GPRIN3: variants seen among roughly 807,000 people sequenced by gnomAD.
The protein encoded by GPRIN3 is GPRIN family member 3, also known as G protein-regulated inducer of neurite outgrowth 3.
Under a neutral mutation model 13.7 loss-of-function variants are expected in GPRIN3, and 12 were observed. That is an observed-to-expected ratio of 0.87 (90% CI 0.56 to 1.42). The LOEUF (loss-of-function observed/expected upper bound fraction) is 1.42. GPRIN3 is among the 40% of genes most tolerant of loss of function. The pLI, the probability that GPRIN3 is intolerant of heterozygous loss-of-function variation, is 0.00. For missense variants in GPRIN3, 1,009 were observed against 958.7 expected (o/e 1.05, Z -0.69); for synonymous variants, 377 against 372.7 (o/e 1.01, Z -0.13).
chr4:89,301,481 AT>A (rs1002148776), intron 1 of GPRIN3, among the ~76,000 whole-genome samples: 4 of 152,224 alleles, frequency 2.6e-5, no homozygotes, highest in African/African-American at 9.6e-5. Context: ...AAATGCTCTG[AT>A]TACTCAGAAA....
rs1026186729 is a variant in GPRIN3, at chr4:89,239,995, C to G, written c.*7785G>C. ...TATTTTCAATCTGATACCCAACCAA[C>G]GTAATTTTTAGTGTCGAGGATTCAA... On this transcript the variant is annotated 3_prime_UTR_variant, in exon 2 of 2. Coordinates refer to ENST00000609438, the MANE Select transcript of GPRIN3 (RefSeq NM_198281.3). 6.6e-6 allele frequency: 1 copy of G among 152,090 alleles called. No individual in the cohort carries two copies. Among genetic ancestry groups the G allele is most frequent in the African/African-American group, 2.4e-5 (1 of 41,418 alleles). 9.4% of individuals were successfully genotyped at this position (152,090 alleles called of 1,614,324 possible).
chr4:89,267,695 A>C (rs1228379884), intron 1 of GPRIN3, among the ~76,000 whole-genome samples: 3 of 152,212 alleles, frequency 2.0e-5, no homozygotes, highest in African/African-American at 7.2e-5. Context: ...TTCTGAATTT[A>C]GGATCTATTA....
At position 89,243,135 on chromosome 4, in the gene GPRIN3, G is replaced by A; in HGVS notation, c.*4645C>T. 6.6e-6 allele frequency: 1 copy of A among 152,116 alleles called. No homozygotes were observed. Among genetic ancestry groups the A allele is most frequent in the East Asian group, 1.9e-4 (1 of 5,194 alleles). The allele number at this position is 152,116 out of a possible 1,614,324, so 9.4% of individuals were successfully genotyped here. A position where few individuals can be genotyped will look rare whatever the true frequency, so the allele number is the denominator to read the frequency against. ...TCAATCCATCTTCATTTATGTCCTT[G>A]GTCATTGCAAACCCAGCTTATTTGA... On this transcript the variant is annotated 3_prime_UTR_variant, in exon 2 of 2. Coordinates refer to ENST00000609438, the MANE Select transcript of GPRIN3 (RefSeq NM_198281.3).
intron 1 of GPRIN3, among the ~76,000 whole-genome samples, chr4:89,297,029 A>G (rs1201835181): frequency 6.6e-6 from 1 of 152,220 alleles, no homozygotes; most frequent in African/African-American, 2.4e-5. Context: ...CCTGCAGTGT[A>G]GCATAGTGGT....
At chr4:89,256,143 T>C (rs889257540) in intron 1 of GPRIN3, among the ~76,000 whole-genome samples, 2 of 152,152 alleles carry the variant, frequency 1.3e-5, no homozygotes, top group African/African-American at 4.8e-5. Flanking sequence ...GCCTGGACCC[T>C]TCCTATGCTG....
In GPRIN3 at chr4:89,246,125, T is replaced by C. The variant is rs1723090338; in HGVS notation, c.*1655A>G. On this transcript the variant is annotated 3_prime_UTR_variant, in exon 2 of 2. Transcript: ENST00000609438. The stretch of plus-strand genomic sequence containing the variant: ...TTTTTTCCTGCATATGTTCAGAATG[T>C]GCAGAACAGAATTAAAGTGAAAAAA... 2 of 152,328 alleles carry C rather than the reference T, an allele frequency of 1.3e-5. No individual in the cohort carries two copies. Among genetic ancestry groups the C allele is most frequent in the South Asian group, 4.1e-4 (2 of 4,826 alleles). 9.4% of individuals were successfully genotyped at this position (152,328 alleles called of 1,614,324 possible). A position where few individuals can be genotyped will look rare whatever the true frequency, so the allele number is the denominator to read the frequency against.
In GPRIN3 at chr4:89,249,686, T is replaced by G. The variant is rs778010492; in HGVS notation, c.425A>C (p.Gln142Pro). Residue 142 changes from glutamine (Q) to proline (P), a missense_variant, in exon 2 of 2, where the codon CAG becomes CCG. Physicochemically the swap from Gln to Pro is moderately conservative, Grantham distance 76. Coordinates refer to ENST00000609438, the MANE Select transcript of GPRIN3 (RefSeq NM_198281.3). ...QHTCQSIPGDQPNAITSSMPE... is the reference protein window; with the variant it reads ...QHTCQSIPGDPPNAITSSMPE... ...CATGGATGAGGTGATGGCATTGGGC[T>G]GATCACCTGGGATGGACTGGCAGGT... The G allele has an allele frequency of 1.9e-6, 3 of 1,614,016 alleles. No individual in the cohort carries two copies. The highest frequency in any genetic ancestry group is 2.7e-5 in the African/African-American group (2 of 74,936).
intron 1 of GPRIN3, among the ~76,000 whole-genome samples, chr4:89,269,186 G>GT (rs1258386377): frequency 2.0e-5 from 3 of 152,122 alleles, no homozygotes; most frequent in Admixed American, 6.5e-5. Flanking sequence ...TACAAATAAT[G>GT]TTTTTCATAG....
At chr4:89,270,069 T>A (rs891374080) in intron 1 of GPRIN3, among the ~76,000 whole-genome samples, 4 of 152,270 alleles carry the variant, frequency 2.6e-5, no homozygotes, top group African/African-American at 9.6e-5. Flanking sequence ...TTCATTACCA[T>A]GTTAAAGTTA....
intron 1 of GPRIN3, among the ~76,000 whole-genome samples, chr4:89,302,699 G>T (rs1724930753): frequency 6.6e-6 from 1 of 152,100 alleles, no homozygotes; most frequent in Non-Finnish European, 1.5e-5. Flanking sequence ...TTGTAAGAGT[G>T]TATACATTTT....
intron 1 of GPRIN3, among the ~76,000 whole-genome samples, chr4:89,259,521 T>C (rs1723568690): frequency 6.6e-6 from 1 of 152,218 alleles, no homozygotes; most frequent in African/African-American, 2.4e-5. Flanking sequence ...GTTTTTGCAT[T>C]TGCATTTTAA....
At position 89,256,923 on chromosome 4, in the gene GPRIN3, A is replaced by T. The variant is rs192118627; in HGVS notation, c.-123-6690T>A. On this transcript the variant is annotated intron_variant, in intron 1 of 1. Transcript: ENST00000609438. ...GGGAACTTTTGCCTGGATCATTTGC[A>T]TTCTGAACCCAGCAGATTCTGCCAG... 1.6e-3 allele frequency among the ~76,000 whole-genome samples: 239 copies of T among 152,330 alleles called. 1 individual carries two copies. The highest frequency in any genetic ancestry group is 5.5e-3 in the African/African-American group (230 of 41,578).
At chr4:89,270,761 A>G (rs1020742072) in intron 1 of GPRIN3, among the ~76,000 whole-genome samples, 3 of 151,662 alleles carry the variant, frequency 2.0e-5, no homozygotes, top group Non-Finnish European at 4.4e-5. Flanking sequence ...CTGGTTTGCT[A>G]TAAATTTCAT....
At chr4:89,306,993 GC>G (rs988850467) in intron 1 of GPRIN3, among the ~76,000 whole-genome samples, 10 of 151,880 alleles carry the variant, frequency 6.6e-5, no homozygotes, top group Non-Finnish European at 1.5e-5. Flanking sequence ...CTCTTCTAAA[GC>G]CCATCTTGAA....
At chr4:89,252,052 A>C (rs1723344029) in intron 1 of GPRIN3, among the ~76,000 whole-genome samples, 10 of 151,598 alleles carry the variant, frequency 6.6e-5, no homozygotes, top group Admixed American at 6.6e-4. Flanking sequence ...GGCTCACTGC[A>C]GCCTCGACCT....
intron 1 of GPRIN3, among the ~76,000 whole-genome samples, chr4:89,282,090 A>G (rs763835681): frequency 9.2e-5 from 14 of 152,150 alleles, no homozygotes; most frequent in Admixed American, 2.6e-4. Context: ...GGTGAATGCT[A>G]ACATGCCTCT....
Position 89,249,324 on chromosome 4 carries a change from C to A in GPRIN3, c.787G>T (p.Val263Leu), listed in dbSNP as rs766047507. 2 of 1,614,138 alleles carry A rather than the reference C, an allele frequency of 1.2e-6. No individual in the cohort carries two copies. The highest frequency in any genetic ancestry group is 4.5e-5 in the East Asian group (2 of 44,876). ...TASGPQGTTS[V>L]TPQPTPLTSE... Reference sequence around the variant, plus strand: ...GTGAGGGGGGTTGGTTGAGGTGTCACAGAAGTTGTGCCTTGGGGGCCCGAG... The same window carrying A: ...GTGAGGGGGGTTGGTTGAGGTGTCAAAGAAGTTGTGCCTTGGGGGCCCGAG... The change falls in exon 2 of 2, where the codon GTG (valine) becomes TTG (leucine). Residue 263 changes from valine to leucine, a missense_variant. Coordinates refer to ENST00000609438, the MANE Select transcript of GPRIN3 (RefSeq NM_198281.3).
At chr4:89,285,944 A>C (rs994619316) in intron 1 of GPRIN3, among the ~76,000 whole-genome samples, 8 of 152,132 alleles carry the variant, frequency 5.3e-5, no homozygotes, top group Non-Finnish European at 1.0e-4. Context: ...CATTTGGATT[A>C]ATCATTTTCT....
chr4:89,262,388 T>G (rs369989600), intron 1 of GPRIN3, among the ~76,000 whole-genome samples: 3 of 152,094 alleles, frequency 2.0e-5, no homozygotes, highest in African/African-American at 7.2e-5. Context: ...GGATGGAACA[T>G]TTTTCGCTTA....
Sources: allele counts gnomAD v4.1 joint callset (sites outside exome capture counted in the v4.1 genomes callset), GRCh38; gene constraint gnomAD v4.1.1; transcripts MANE v1.5; gene names NCBI Gene and HGNC (gene_info 2026-07-23, HGNC 2026-07-21).